Variants in GAN observed in about 807,000 individuals in gnomAD.
GAN encodes the protein gigaxonin, also known as epididymis secretory sperm binding protein.
Under a neutral mutation model 71.3 loss-of-function variants are expected in GAN, and 48 were observed. The observed-to-expected ratio is 0.67, with a 90% confidence interval of 0.53 to 0.86. The LOEUF (loss-of-function observed/expected upper bound fraction) is 0.86. Among genes scored for constraint, GAN ranks in the 40% least tolerant of loss-of-function variants. The pLI, the probability that GAN is intolerant of heterozygous loss-of-function variation, is 0.00. For synonymous variants in GAN, 386 were observed against 276.8 expected (o/e 1.39, Z -3.92); for missense variants, 928 against 770.1 (o/e 1.21, Z -2.43).
At chr16:81,370,932 A>G (rs1274648742) in intron 9 of GAN, among the ~76,000 whole-genome samples, 1 of 152,206 alleles carries the variant, frequency 6.6e-6, no homozygotes, top group Non-Finnish European at 1.5e-5. Context: ...ACACCATGAA[A>G]GCCTTCAACT....
At position 81,362,622 on chromosome 16, in the gene GAN, A is replaced by G. The variant is rs1910714192; in HGVS notation, c.1086+11A>G. The G allele has an allele frequency of 7.7e-6, 10 of 1,299,722 alleles. No homozygotes were observed. Among genetic ancestry groups the G allele is most frequent in the Non-Finnish European group, 1.1e-5 (10 of 892,800 alleles). 80.5% of individuals were successfully genotyped at this position (1,299,722 alleles called of 1,614,324 possible). The stretch of plus-strand genomic sequence containing the variant: ...CCACCTATGAACGAGGTAAAACACT[A>G]GTTGGTTGGTTTGTTTGATGTGTTT... On this transcript the variant is annotated intron_variant, in intron 6 of 10. Coordinates refer to ENST00000648994, the MANE Select transcript of GAN (RefSeq NM_022041.4).
At chr16:81,321,474 T>G (rs1277129968) in intron 1 of GAN, among the ~76,000 whole-genome samples, 2 of 152,226 alleles carry the variant, frequency 1.3e-5, no homozygotes, top group African/African-American at 4.8e-5. Context: ...AATTTAGGAT[T>G]GAAGTAAAAT....
At chr16:81,329,128 G>T (rs908707114) in intron 1 of GAN, among the ~76,000 whole-genome samples, 2 of 151,710 alleles carry the variant, frequency 1.3e-5, no homozygotes, top group Admixed American at 6.6e-5. Flanking sequence ...CTCCCTGACT[G>T]TCTCATCTCC....
In GAN at chr16:81,383,810, C is replaced by T. The variant is rs533749070; in HGVS notation, c.*6214C>T. 2.6e-5 allele frequency: 4 copies of T among 152,068 alleles called. No homozygotes were observed. The South Asian group carries it at 6.2e-4, about 24-fold the overall frequency. 9.4% of individuals were successfully genotyped at this position (152,068 alleles called of 1,614,324 possible). Reference sequence around the variant, plus strand: ...CCTTAAGATGAAGTGAACGAGTAGACACTGAATAGGATCCACGTAAATGAA... The same window carrying T: ...CCTTAAGATGAAGTGAACGAGTAGATACTGAATAGGATCCACGTAAATGAA... On this transcript the variant is annotated 3_prime_UTR_variant, in exon 11 of 11. Coordinates refer to ENST00000648994, the MANE Select transcript of GAN (RefSeq NM_022041.4).
intron 1 of GAN, among the ~76,000 whole-genome samples, chr16:81,339,881 G>A (rs1909885336): frequency 6.6e-6 from 1 of 152,174 alleles, no homozygotes; most frequent in African/African-American, 2.4e-5. Flanking sequence ...ATGTAAGGAT[G>A]TGAATTTAAA....
Position 81,384,847 on chromosome 16 carries a change from G to C in GAN, c.*7251G>C, listed in dbSNP as rs1284992720. On this transcript the variant is annotated 3_prime_UTR_variant, in exon 11 of 11. Transcript: ENST00000648994. ...CTCCCTAGTGTCTGTCAGCTTGCCTGGTCACCAAGTCAGGAGGAAGAAGAT... is the reference window on the plus strand; with the variant it reads ...CTCCCTAGTGTCTGTCAGCTTGCCTCGTCACCAAGTCAGGAGGAAGAAGAT... 1.3e-5 allele frequency: 2 copies of C among 152,728 alleles called. No homozygotes were observed. The highest frequency in any genetic ancestry group is 2.9e-5 in the Non-Finnish European group (2 of 68,032). 9.5% of individuals were successfully genotyped at this position (152,728 alleles called of 1,614,324 possible). A position where few individuals can be genotyped will look rare whatever the true frequency, so the allele number is the denominator to read the frequency against.
At position 81,315,310 on chromosome 16, in the gene GAN, G is replaced by C. The variant is rs781473926; in HGVS notation, c.167+30G>C. 6.2e-5 allele frequency: 91 copies of C among 1,473,714 alleles called. No individual in the cohort carries two copies. In the South Asian group the frequency reaches 7.1e-4, roughly 12 times the overall value. The allele number at this position is 1,473,714 out of a possible 1,614,324, so 91.3% of individuals were successfully genotyped here. ...GGAGGGGGCTACGGCGGGCGGGCGCGGCGGTGCTGCCCGGAGCCGGAGGCG... is the reference window on the plus strand; with the variant it reads ...GGAGGGGGCTACGGCGGGCGGGCGCCGCGGTGCTGCCCGGAGCCGGAGGCG... On this transcript the variant is annotated intron_variant, in intron 1 of 10. Coordinates refer to ENST00000648994, the MANE Select transcript of GAN (RefSeq NM_022041.4).
Position 81,317,690 on chromosome 16 carries a change from G to A in GAN, c.167+2410G>A, listed in dbSNP as rs112357812. ...GACTCCAAATTAATTACGGCTAACC[G>A]CCTTCCTACTCTTGCCCTACCACGT... On this transcript the variant is annotated intron_variant, in intron 1 of 10. Transcript: ENST00000648994. Among the ~76,000 whole-genome samples, 130 of 152,306 alleles carry A rather than the reference G, an allele frequency of 8.5e-4. 2 individuals are homozygous for A. The highest frequency in any genetic ancestry group is 3.0e-3 in the African/African-American group (123 of 41,560).
intron 3 of GAN, among the ~76,000 whole-genome samples, chr16:81,355,311 A>C (rs1910450048): frequency 6.6e-6 from 1 of 152,204 alleles, no homozygotes; most frequent in African/African-American, 2.4e-5. Context: ...ATCAGCCTCT[A>C]GATCCAAATT....
At position 81,380,713 on chromosome 16, in the gene GAN, G is replaced by A. The variant is rs574095593; in HGVS notation, c.*3117G>A. On this transcript the variant is annotated 3_prime_UTR_variant, in exon 11 of 11. Coordinates refer to ENST00000648994, the MANE Select transcript of GAN (RefSeq NM_022041.4). ...GACCTTCAGTTTATACTACTGTGTC[G>A]AACTCATATTGAGTGTAAATATTGA... 14 of 152,230 alleles carry A rather than the reference G, an allele frequency of 9.2e-5. No homozygotes were observed. Among genetic ancestry groups the A allele is most frequent in the African/African-American group, 3.4e-4 (14 of 41,536 alleles). The allele number at this position is 152,230 out of a possible 1,614,324, so 9.4% of individuals were successfully genotyped here.
At chr16:81,368,229 C>T (rs938843000) in intron 9 of GAN, among the ~76,000 whole-genome samples, 6 of 152,128 alleles carry the variant, frequency 3.9e-5, no homozygotes, top group South Asian at 2.1e-4. Context: ...CCCAGAATGA[C>T]GGTTTCTCTA....
rs1175147374 is a variant in GAN at position 81,386,232 on chromosome 16, T to C, written c.*8636T>C. ...TTCTCTAATAATACTTAAAACTCTT[T>C]ACTAAAGTTGAATTTTCCTTTTTTT... is the stretch of plus-strand genomic sequence containing the variant. On this transcript the variant is annotated 3_prime_UTR_variant, in exon 11 of 11. Transcript: ENST00000648994. 1 of 152,250 alleles carries C rather than the reference T, an allele frequency of 6.6e-6. No homozygotes were observed. Among genetic ancestry groups the C allele is most frequent in the Non-Finnish European group, 1.5e-5 (1 of 68,052 alleles). 9.4% of individuals were successfully genotyped at this position (152,250 alleles called of 1,614,324 possible).
At chr16:81,374,821 G>A (rs2608560) in intron 9 of GAN, among the ~76,000 whole-genome samples, 32,176 of 152,148 alleles carry the variant, frequency 0.21, 3,782 homozygotes, top group Non-Finnish European at 0.28. Flanking sequence ...AATCCTTTTA[G>A]TGGTTATTAA....
Position 81,364,867 on chromosome 16 carries a change from A to G in GAN, c.1237-107A>G. On this transcript the variant is annotated intron_variant, in intron 7 of 10. Transcript: ENST00000648994. Reference sequence around the variant, plus strand: ...ACCATCGTTTTACGGTTAGAAATCAAACCCCTTCCTAAATCTCTTTAAGTA... The same window carrying G: ...ACCATCGTTTTACGGTTAGAAATCAGACCCCTTCCTAAATCTCTTTAAGTA... 5 of 1,117,532 alleles carry G rather than the reference A, an allele frequency of 4.5e-6. No homozygotes were observed. In the African/African-American group the frequency reaches 6.1e-5, roughly 14 times the overall value. The allele number at this position is 1,117,532 out of a possible 1,614,324, so 69.2% of individuals were successfully genotyped here. A position where few individuals can be genotyped will look rare whatever the true frequency, so the allele number is the denominator to read the frequency against.
At chr16:81,368,065 C>T (rs1011204589) in intron 9 of GAN, among the ~76,000 whole-genome samples, 1 of 152,106 alleles carries the variant, frequency 6.6e-6, no homozygotes, top group South Asian at 2.1e-4. Context: ...TCTTGTCTTT[C>T]CTGTCTTTGT....
intron 9 of GAN, among the ~76,000 whole-genome samples, chr16:81,365,806 T>C (rs72835123): frequency 2.6e-5 from 4 of 152,126 alleles, no homozygotes; most frequent in African/African-American, 7.2e-5. Flanking sequence ...TCTCAACATT[T>C]AGGGAGGTAG....
In GAN at chr16:81,354,769, A is replaced by G; in HGVS notation, c.633+14A>G. 1 of 1,430,120 alleles carries G rather than the reference A, an allele frequency of 7.0e-7. No individual in the cohort carries two copies. Among genetic ancestry groups the G allele is most frequent in the Non-Finnish European group, 9.9e-7 (1 of 1,013,156 alleles). 88.6% of individuals were successfully genotyped at this position (1,430,120 alleles called of 1,614,324 possible). A position where few individuals can be genotyped will look rare whatever the true frequency, so the allele number is the denominator to read the frequency against. On this transcript the variant is annotated intron_variant, in intron 3 of 10. Transcript: ENST00000648994. ...GAAATAAGAAAGGTACCTGTCATTT[A>G]TAACATGGTCAAATTTGCCTTTTTA...
At chr16:81,326,543 G>GATACCGTCTCAAAAAAAAAA (rs1909395745) in intron 1 of GAN, among the ~76,000 whole-genome samples, 1 of 151,464 alleles carries the variant, frequency 6.6e-6, no homozygotes, top group Non-Finnish European at 1.5e-5. Context: ...CAAAAAAAAA[G>GATACCGTCTCAAAAAAAAAA]GATAATTGAG....
chr16:81,327,719 C>G (rs1187470288), intron 1 of GAN, among the ~76,000 whole-genome samples: 2 of 152,148 alleles, frequency 1.3e-5, no homozygotes. Context: ...ATTTAAAGTG[C>G]TGCCTGTGTA....
Sources: allele counts gnomAD v4.1 joint callset (sites outside exome capture counted in the v4.1 genomes callset), GRCh38; gene constraint gnomAD v4.1.1; transcripts MANE v1.5; gene names NCBI Gene and HGNC (gene_info 2026-07-23, HGNC 2026-07-21).